The following CATSPER3 variants were observed in gnomAD, a reference collection of about 807,000 sequenced individuals.
CATSPER3 encodes the protein cation channel sperm-associated protein 3.
In CATSPER3, 23 loss-of-function variants were observed where a neutral mutation model predicts 36.6. The observed-to-expected ratio is 0.63, with a 90% CI of 0.45 to 0.89. CATSPER3 has a LOEUF of 0.89. Ranked by LOEUF, CATSPER3 falls within the 40% of genes least tolerant of loss-of-function variation. The pLI is 0.00. For synonymous variants in CATSPER3, 172 were observed against 184.1 expected, an observed-to-expected ratio of 0.93 and a Z score of 0.53; for missense variants, 474 against 503.9, an observed-to-expected ratio of 0.94 and a Z score of 0.57.
At chr5:135,001,145 A>G (rs1285624715) in intron 3 of CATSPER3, among the ~76,000 whole-genome samples, 1 of 152,162 alleles carries the variant, frequency 6.6e-6, no homozygotes, top group African/African-American at 2.4e-5. Context: ...CCTTGTTTTC[A>G]AAGAACATCT....
chr5:134,993,505 C>T (rs116186453), intron 2 of CATSPER3, among the ~76,000 whole-genome samples: 1,709 of 152,134 alleles, frequency 0.011, 29 homozygotes, highest in African/African-American at 0.038. Context: ...AAAGTTAGAT[C>T]ACAGAAAATA....
chr5:134,995,985 G>A (rs1014933432), intron 2 of CATSPER3: 1 of 488,232 alleles, frequency 2.0e-6, no homozygotes, highest in Non-Finnish European at 3.8e-6. Flanking sequence ...TTCAGGTTGA[G>A]TTGCAGTATG....
intron 2 of CATSPER3, among the ~76,000 whole-genome samples, chr5:134,982,467 A>G (rs1333503363): frequency 6.6e-6 from 1 of 152,218 alleles, no homozygotes; most frequent in Admixed American, 6.5e-5. Context: ...GCAAGTTGTC[A>G]CATACAAGAA....
chr5:134,973,213 T>A (rs1031599560), intron 2 of CATSPER3, among the ~76,000 whole-genome samples: 1 of 152,204 alleles, frequency 6.6e-6, no homozygotes, highest in Non-Finnish European at 1.5e-5. Flanking sequence ...TATGTAGTTA[T>A]TTGTAGAACT....
intron 4 of CATSPER3, 25 bp downstream of exon 4, chr5:135,008,164 A>G: frequency 3.1e-6 from 5 of 1,603,610 alleles, no homozygotes; most frequent in Non-Finnish European, 4.3e-6. Flanking sequence ...AACAGTGGTG[A>G]GGGCAGGGGC....
At chr5:134,968,143 A>C in intron 1 of CATSPER3, 54 bp downstream of exon 1, 1 of 1,249,430 alleles carries the variant, frequency 8.0e-7, no homozygotes, top group Non-Finnish European at 1.2e-6. Flanking sequence ...TAGAAGTGTG[A>C]GGGCAGGGTG....
At chr5:134,977,554 ACC>A (rs1477368361) in intron 2 of CATSPER3, among the ~76,000 whole-genome samples, 5 of 152,146 alleles carry the variant, frequency 3.3e-5, no homozygotes, top group African/African-American at 1.2e-4. Flanking sequence ...TTTGGTCACA[ACC>A]ATTTAACCAG....
chr5:134,977,131 C>G (rs1751684165), intron 2 of CATSPER3, among the ~76,000 whole-genome samples: 1 of 152,340 alleles, frequency 6.6e-6, no homozygotes, highest in African/African-American at 2.4e-5. Flanking sequence ...ATGCTAATCT[C>G]TCTAGCAAGT....
intron 2 of CATSPER3, chr5:134,995,784 A>G (rs1751937648): frequency 4.6e-6 from 1 of 217,782 alleles, no homozygotes; most frequent in South Asian, 8.6e-5. Flanking sequence ...TTGTAGATGC[A>G]TGAAAAGAAT....
chr5:134,994,123 T>C (rs1454259162), intron 2 of CATSPER3, among the ~76,000 whole-genome samples: 1 of 152,062 alleles, frequency 6.6e-6, no homozygotes, highest in Non-Finnish European at 1.5e-5. Flanking sequence ...AGACTCTGTC[T>C]CAAAAAAAAC....
chr5:134,976,413 A>G (rs1214639765), intron 2 of CATSPER3, among the ~76,000 whole-genome samples: 3 of 146,606 alleles, frequency 2.0e-5, no homozygotes, highest in Admixed American at 7.3e-5. Context: ...AGGGTTTCAC[A>G]TTGGGAATGT....
chr5:135,004,025 T>C (rs299371), intron 3 of CATSPER3, among the ~76,000 whole-genome samples: 62,402 of 152,118 alleles, frequency 0.41, 14,145 homozygotes, highest in African/African-American at 0.59. Flanking sequence ...ATGCAGAAAT[T>C]ACCCATCTTC....
intron 2 of CATSPER3, among the ~76,000 whole-genome samples, chr5:134,989,902 T>C (rs901462733): frequency 1.3e-5 from 2 of 152,230 alleles, no homozygotes; most frequent in East Asian, 3.8e-4. Flanking sequence ...AGTGAGAGAC[T>C]TGCAACCCTT....
chr5:134,974,854 T>G (rs1751649018), intron 2 of CATSPER3, among the ~76,000 whole-genome samples: 1 of 152,184 alleles, frequency 6.6e-6, no homozygotes, highest in Non-Finnish European at 1.5e-5. Context: ...ATGTTAGGTA[T>G]AGGACTTGGC....
At chr5:134,979,117 T>G (rs1452444347) in intron 2 of CATSPER3, among the ~76,000 whole-genome samples, 1 of 152,062 alleles carries the variant, frequency 6.6e-6, no homozygotes, top group Non-Finnish European at 1.5e-5. Flanking sequence ...AGAACCCTGG[T>G]CCTTGGTTCC....
intron 3 of CATSPER3, among the ~76,000 whole-genome samples, chr5:135,004,171 T>C (rs1580914466): frequency 6.6e-6 from 1 of 152,262 alleles, no homozygotes; most frequent in East Asian, 1.9e-4. Context: ...ACTGTCAGCT[T>C]AGACTCCTCT....
chr5:134,999,435 A>G (rs1164018307), intron 3 of CATSPER3, among the ~76,000 whole-genome samples: 2 of 152,024 alleles, frequency 1.3e-5, no homozygotes, highest in African/African-American at 2.4e-5. Flanking sequence ...GTTTTTTCCA[A>G]TTCTCTGAAG....
In CATSPER3 at chr5:135,007,985, T is replaced by C. The variant is rs1752111768; in HGVS notation, c.521T>C (p.Val174Ala). Residue 174 changes from valine (V) to alanine (A), a missense_variant, in exon 4 of 8, where the codon GTC becomes GCC. By Grantham distance (64) the Val-to-Ala change is moderately conservative. Coordinates refer to ENST00000282611, the MANE Select transcript of CATSPER3 (RefSeq NM_178019.3). Reference protein sequence around the residue: ...RTLITAVGQTVYTVASVLLLL... With the variant: ...RTLITAVGQTAYTVASVLLLL... ...CTGATCACCGCCGTGGGGCAGACAG[T>C]CTACACCGTGGCCTCTGTGCTCCTC... The C allele has an allele frequency of 1.9e-6, 3 of 1,614,120 alleles. No individual in the cohort carries two copies. The highest frequency in any genetic ancestry group is 1.1e-5 in the South Asian group (1 of 91,082).
intron 3 of CATSPER3, among the ~76,000 whole-genome samples, chr5:135,004,612 A>C (rs1186464182): frequency 6.6e-6 from 1 of 152,156 alleles, no homozygotes; most frequent in Non-Finnish European, 1.5e-5. Flanking sequence ...CCAAGGGAGC[A>C]GGGGCCAGGA....
Sources: gnomAD v4.1 joint callset for allele counts (sites outside exome capture counted in the v4.1 genomes callset) on GRCh38, gnomAD v4.1.1 for gene constraint, MANE v1.5 for transcripts, NCBI Gene and HGNC (gene_info 2026-07-23, HGNC 2026-07-21) for gene names.